The following SLC36A1 variants were observed in gnomAD, a reference collection of about 807,000 sequenced individuals.
The protein encoded by SLC36A1 is proton-coupled amino acid transporter 1.
In SLC36A1, 30 loss-of-function variants were observed where a neutral mutation model predicts 47.5. The ratio of observed to expected loss-of-function variants is 0.63; its 90% CI spans 0.47 to 0.86. The LOEUF is 0.86. Among genes scored for constraint, SLC36A1 ranks in the 40% least tolerant of loss-of-function variants. SLC36A1 has a pLI of 0.00. For synonymous variants in SLC36A1, 255 were observed against 249.7 expected, an observed-to-expected ratio of 1.02 and a Z score of -0.20; for missense variants, 517 against 606.0, an observed-to-expected ratio of 0.85 and a Z score of 1.54.
chr5:151,453,294 C>T (rs1301337781), intron 1 of SLC36A1, among the ~76,000 whole-genome samples: 2 of 150,756 alleles, frequency 1.3e-5, no homozygotes, highest in Non-Finnish European at 3.0e-5. Context: ...ATTTTTTTTT[C>T]CTTGACGTAT....
At chr5:151,542,299 G>T in the SLC36A1 span, 1 of 1,600,328 alleles carries the variant, frequency 6.2e-7, no homozygotes, top group East Asian at 2.2e-5. Context: ...GATGTAGCAG[G>T]TGACCTGCCT....
chr5:151,519,774 C>G, the SLC36A1 span, among the ~76,000 whole-genome samples: 1 of 151,900 alleles, frequency 6.6e-6, no homozygotes, highest in Non-Finnish European at 1.5e-5. Flanking sequence ...TAAAAAACCT[C>G]TTTTCAACTG....
the SLC36A1 span, chr5:151,546,119 G>T: frequency 6.2e-7 from 1 of 1,614,048 alleles, no homozygotes; most frequent in Admixed American, 1.7e-5. Flanking sequence ...ATTGATTCAG[G>T]GATCTCTACA....
chr5:151,532,388 AACAC>A, the SLC36A1 span, among the ~76,000 whole-genome samples: 14,193 of 150,328 alleles, frequency 0.094, 1,484 homozygotes, highest in African/African-American at 0.26. Flanking sequence ...TGCGTGTACA[AACAC>A]ACACACACAC....
the SLC36A1 span, chr5:151,544,272 C>T: frequency 1.2e-6 from 2 of 1,614,030 alleles, no homozygotes; most frequent in Admixed American, 1.7e-5. Context: ...TCTGAGCAGG[C>T]AAGCCTTCTG....
At chr5:151,469,925 G>A (rs1386490465) in intron 7 of SLC36A1, among the ~76,000 whole-genome samples, 1 of 152,042 alleles carries the variant, frequency 6.6e-6, no homozygotes, top group Non-Finnish European at 1.5e-5. Context: ...GAAGACAGTG[G>A]CTCATAAAAA....
At chr5:151,410,291 T>C in the SLC36A1 span, among the ~76,000 whole-genome samples, 167 of 144,446 alleles carry the variant, frequency 1.2e-3, 23 homozygotes, top group East Asian at 0.034. Flanking sequence ...TGAAAGAGAG[T>C]GGTGAAATTC....
At chr5:151,549,326 G>A in the SLC36A1 span, 2 of 1,613,446 alleles carry the variant, frequency 1.2e-6, no homozygotes, top group Non-Finnish European at 1.7e-6. Flanking sequence ...CCTCAGCATT[G>A]ACTCCCCGGT....
the SLC36A1 span, chr5:151,537,779 C>G: frequency 6.2e-7 from 1 of 1,604,882 alleles, no homozygotes; most frequent in Non-Finnish European, 8.5e-7. Context: ...GATCCTGCAG[C>G]TCAGGAAACC....
the SLC36A1 span, among the ~76,000 whole-genome samples, chr5:151,344,980 C>G: frequency 6.6e-6 from 1 of 152,094 alleles, no homozygotes; most frequent in Non-Finnish European, 1.5e-5. Context: ...TTTCTTTTCT[C>G]AGCCCAGGGC....
the SLC36A1 span, among the ~76,000 whole-genome samples, chr5:151,526,668 A>C: frequency 1.3e-5 from 2 of 152,324 alleles, no homozygotes; most frequent in South Asian, 4.1e-4. Context: ...TTAGTCAGGT[A>C]ACTTATTATT....
the SLC36A1 span, among the ~76,000 whole-genome samples, chr5:151,533,159 A>G: frequency 6.6e-6 from 1 of 152,088 alleles, no homozygotes. Flanking sequence ...CCCACTTGAT[A>G]ATGGCCTGAG....
intron 1 of SLC36A1, among the ~76,000 whole-genome samples, chr5:151,454,196 T>G (rs1754109295): frequency 1.3e-5 from 2 of 152,000 alleles, no homozygotes; most frequent in Admixed American, 1.3e-4. Context: ...GTGTTCTGTT[T>G]ATTGTCCTCA....
At chr5:151,423,452 G>A in the SLC36A1 span, among the ~76,000 whole-genome samples, 1 of 152,322 alleles carries the variant, frequency 6.6e-6, no homozygotes, top group East Asian at 1.9e-4. Flanking sequence ...GTATTATTTA[G>A]CACTAAGAAG....
At chr5:151,480,975 G>A (rs1213049448) in intron 10 of SLC36A1, among the ~76,000 whole-genome samples, 7 of 152,120 alleles carry the variant, frequency 4.6e-5, no homozygotes, top group Admixed American at 2.0e-4. Flanking sequence ...ATTGAGCTGG[G>A]GCAGTGACAG....
chr5:151,348,162 A>G, the SLC36A1 span, among the ~76,000 whole-genome samples: 1 of 152,178 alleles, frequency 6.6e-6, no homozygotes, highest in Non-Finnish European at 1.5e-5. Flanking sequence ...GTGAGGCTCC[A>G]TGGAGTGAGT....
At chr5:151,346,960 A>G in the SLC36A1 span, among the ~76,000 whole-genome samples, 6 of 152,238 alleles carry the variant, frequency 3.9e-5, no homozygotes, top group South Asian at 2.1e-4. Context: ...TCTATCCCCA[A>G]TCTTAACATC....
intron 10 of SLC36A1, among the ~76,000 whole-genome samples, chr5:151,481,336 C>T (rs1208290452): frequency 2.2e-5 from 3 of 138,386 alleles, no homozygotes; most frequent in Non-Finnish European, 3.3e-5. Flanking sequence ...GAGCACTCGC[C>T]TCTCTCACCT....
the SLC36A1 span, among the ~76,000 whole-genome samples, chr5:151,390,063 C>T: frequency 0.018 from 2,752 of 152,272 alleles, 50 homozygotes; most frequent in Non-Finnish European, 0.027. Flanking sequence ...ACATCCTCTC[C>T]AGCACGTGTT....
Sources: gnomAD v4.1 joint callset for allele counts (sites outside exome capture counted in the v4.1 genomes callset) on GRCh38, gnomAD v4.1.1 for gene constraint, MANE v1.5 for transcripts, NCBI Gene and HGNC (gene_info 2026-07-23, HGNC 2026-07-21) for gene names.